PCDHA6: variants seen among roughly 807,000 people sequenced by gnomAD.
PCDHA6 encodes the protein protocadherin alpha-6.
A neutral mutation model predicts 60.3 loss-of-function variants in PCDHA6; 55 were observed. The ratio of observed to expected loss-of-function variants is 0.91; its 90% CI spans 0.73 to 1.14. PCDHA6 has a LOEUF of 1.14. Ranked by LOEUF, PCDHA6 falls within the 50% of genes most tolerant of loss-of-function variation. The pLI, the probability that PCDHA6 is intolerant of heterozygous loss-of-function variation, is 0.00. For missense variants in PCDHA6, 1,327 were observed against 1,256.5 expected, an observed-to-expected ratio of 1.06 and a Z score of -0.85; for synonymous variants, 652 against 557.9, an observed-to-expected ratio of 1.17 and a Z score of -2.38.
At chr5:140,959,591 A>C (rs2095498403) in intron 1 of PCDHA6, among the ~76,000 whole-genome samples, 1 of 152,220 alleles carries the variant, frequency 6.6e-6, no homozygotes, top group African/African-American at 2.4e-5. Context: ...CTATCAGCCA[A>C]GTATAACATG....
intron 1 of PCDHA6, among the ~76,000 whole-genome samples, chr5:140,838,280 A>ATTT (rs2150286950): frequency 0.014 from 2,008 of 139,562 alleles, 92 homozygotes; most frequent in African/African-American, 0.051. Context: ...AGCCATGCTA[A>ATTT]TTTTTTTTTT....
rs782631991 is a variant in PCDHA6, at chr5:140,966,741, G to C, written c.2395-12208G>C. The C allele has an allele frequency of 7.5e-4, 1,063 of 1,421,208 alleles. 1 individual carries two copies. The highest frequency in any genetic ancestry group is 9.1e-4 in the Non-Finnish European group (995 of 1,093,108). The allele number at this position is 1,421,208 out of a possible 1,614,324, so 88.0% of individuals were successfully genotyped here. Reference sequence around the variant, plus strand: ...GAAGCTGCCGCCTCCGGCCCTGCCCGGCTGCCTCCGCCGCGGCCAGTGGCT... The same window carrying C: ...GAAGCTGCCGCCTCCGGCCCTGCCCCGCTGCCTCCGCCGCGGCCAGTGGCT... On this transcript the variant is annotated intron_variant, in intron 1 of 3. Transcript: ENST00000529310.
In PCDHA6 at chr5:140,957,392, T is replaced by A. The variant is rs1035836709; in HGVS notation, c.2395-21557T>A. Among the ~76,000 whole-genome samples the A allele has an allele frequency of 2.6e-5, 4 of 152,222 alleles. No individual in the cohort carries two copies. In the East Asian group the frequency reaches 5.8e-4, roughly 22 times the overall value. ...TTATTATAGTGTATTGTTATAATTG[T>A]CCTAATTTATTATTATTGTTGTTAA... is the stretch of plus-strand genomic sequence containing the variant. On this transcript the variant is annotated intron_variant, in intron 1 of 3. Coordinates refer to ENST00000529310, the MANE Select transcript of PCDHA6 (RefSeq NM_018909.4).
In PCDHA6 at chr5:140,858,343, G is replaced by A. The variant is rs1554151440; in HGVS notation, c.2394+27858G>A. On this transcript the variant is annotated intron_variant, in intron 1 of 3. Coordinates refer to ENST00000529310, the MANE Select transcript of PCDHA6 (RefSeq NM_018909.4). ...GTTCTGGGGAGGGCCTGCCCAAGGC[G>A]GACCTCATGGCCTTCAGCCCCAGCC... 9 of 1,594,924 alleles carry A rather than the reference G, an allele frequency of 5.6e-6. 1 individual carries two copies. The highest frequency in any genetic ancestry group is 6.9e-6 in the Non-Finnish European group (8 of 1,165,636).
At chr5:140,843,109 A>T (rs2150352812) in intron 1 of PCDHA6, 2 of 1,595,800 alleles carry the variant, frequency 1.3e-6, no homozygotes. Context: ...AGGTGCGCGC[A>T]GTGGACGCCG....
chr5:140,883,068 C>T lies in PCDHA6; in HGVS notation c.2394+52583C>T, dbSNP rs782726947. The stretch of plus-strand genomic sequence containing the variant: ...ACATTAGTGATCAAGCTAAATGCCA[C>T]AGATCCTGATGATGGTACAAATGGA... On this transcript the variant is annotated intron_variant, in intron 1 of 3. Coordinates refer to ENST00000529310, the MANE Select transcript of PCDHA6 (RefSeq NM_018909.4). The T allele has an allele frequency of 1.4e-5, 23 of 1,614,130 alleles. No homozygotes were observed. The highest frequency in any genetic ancestry group is 1.9e-5 in the Non-Finnish European group (23 of 1,180,028).
chr5:140,843,829 G>T (rs1554140457), intron 1 of PCDHA6: 1 of 1,170,122 alleles, frequency 8.5e-7, no homozygotes, highest in African/African-American at 1.5e-5. Flanking sequence ...TTTAAACATT[G>T]TTTAGTTTTT....
chr5:140,841,603 G>A (rs2150319062), intron 1 of PCDHA6: 34 of 1,614,038 alleles, frequency 2.1e-5, no homozygotes, highest in East Asian at 1.1e-4. Flanking sequence ...ACCGCGAGGA[G>A]CTGTGCGGGC....
At chr5:140,850,122 C>T in intron 1 of PCDHA6, 2 of 1,595,914 alleles carry the variant, frequency 1.3e-6, no homozygotes, top group Non-Finnish European at 1.7e-6. Context: ...CGCGGGCGTG[C>T]CGCCTCTGGG....
In PCDHA6 at chr5:140,828,407, C is replaced by G; in HGVS notation, c.316C>G (p.Leu106Val). 1.2e-6 allele frequency: 2 copies of G among 1,614,262 alleles called. No individual in the cohort carries two copies. Among genetic ancestry groups the G allele is most frequent in the Non-Finnish European group, 1.7e-6 (2 of 1,180,046 alleles). The change falls in exon 1 of 4, where the codon CTG (leucine) becomes GTG (valine). Residue 106 changes from leucine (L) to valine (V), a missense_variant. Physicochemically the swap from Leu to Val is conservative, Grantham distance 32. Transcript: ENST00000529310. ...CGRSAECSIH[L>V]EVIVDRPLQV... ...GCGGAGCGCGGAGTGCAGCATCCACCTGGAGGTGATCGTGGACAGGCCGCT... is the reference window on the plus strand; with the variant it reads ...GCGGAGCGCGGAGTGCAGCATCCACGTGGAGGTGATCGTGGACAGGCCGCT...
chr5:141,000,616 C>A (rs1227863226), intron 3 of PCDHA6, among the ~76,000 whole-genome samples: 1 of 150,774 alleles, frequency 6.6e-6, no homozygotes, highest in African/African-American at 2.4e-5. Context: ...TTAGTAGAGA[C>A]AGGGTTTCAC....
At chr5:140,917,137 C>A (rs868951388) in intron 1 of PCDHA6, among the ~76,000 whole-genome samples, 4 of 152,208 alleles carry the variant, frequency 2.6e-5, no homozygotes, top group African/African-American at 4.8e-5. Context: ...CCACGTTGCT[C>A]AGCTGCTGCT....
At chr5:140,871,275 A>C in intron 1 of PCDHA6, 3 of 1,613,900 alleles carry the variant, frequency 1.9e-6, no homozygotes, top group Non-Finnish European at 2.5e-6. Flanking sequence ...GGTGGTCGGC[A>C]ACGCCCACTG....
At chr5:140,882,652 C>T (rs781900873) in intron 1 of PCDHA6, 1 of 1,614,216 alleles carries the variant, frequency 6.2e-7, no homozygotes, top group Non-Finnish European at 8.5e-7. Flanking sequence ...ACATTAACGA[C>T]AACCCGCCCA....
At position 140,859,297 on chromosome 5, in the gene PCDHA6, G is replaced by A. The variant is rs918204885; in HGVS notation, c.2394+28812G>A. 281 of 128,994 alleles carry A rather than the reference G, an allele frequency of 2.2e-3. 12 individuals are homozygous for A. The highest frequency in any genetic ancestry group is 7.5e-3 in the African/African-American group (274 of 36,598). The allele number at this position is 128,994 out of a possible 1,614,324, so 8.0% of individuals were successfully genotyped here. A position where few individuals can be genotyped will look rare whatever the true frequency, so the allele number is the denominator to read the frequency against. On this transcript the variant is annotated intron_variant, in intron 1 of 3. Coordinates refer to ENST00000529310, the MANE Select transcript of PCDHA6 (RefSeq NM_018909.4). Reference sequence around the variant, plus strand: ...TACTTTTGAGACTGAAAATACTTTAGTATGAATTAATATTAAAAGTTTGAG... The same window carrying A: ...TACTTTTGAGACTGAAAATACTTTAATATGAATTAATATTAAAAGTTTGAG...
intron 1 of PCDHA6, among the ~76,000 whole-genome samples, chr5:140,947,543 G>T (rs1013985097): frequency 6.6e-5 from 10 of 151,548 alleles, no homozygotes; most frequent in Non-Finnish European, 1.2e-4. Flanking sequence ...TTTCTACAAA[G>T]AATTCCGCTG....
At chr5:140,998,940 A>G (rs2097841050) in intron 3 of PCDHA6, among the ~76,000 whole-genome samples, 1 of 152,222 alleles carries the variant, frequency 6.6e-6, no homozygotes, top group African/African-American at 2.4e-5. Context: ...AGATGAAGAA[A>G]CTGTAAGTCA....
chr5:140,954,102 A>G (rs2094980163), intron 1 of PCDHA6, among the ~76,000 whole-genome samples: 1 of 152,186 alleles, frequency 6.6e-6, no homozygotes, highest in South Asian at 2.1e-4. Flanking sequence ...TGTCCCTGCA[A>G]AGGACAAGAT....
intron 1 of PCDHA6, among the ~76,000 whole-genome samples, chr5:140,948,960 G>A (rs900113633): frequency 5.9e-5 from 9 of 151,550 alleles, no homozygotes; most frequent in Non-Finnish European, 1.2e-4. Context: ...TTAAAGCCAC[G>A]AATTTATTAG....
Sources: allele counts gnomAD v4.1 joint callset (sites outside exome capture counted in the v4.1 genomes callset), GRCh38; gene constraint gnomAD v4.1.1; transcripts MANE v1.5; gene names NCBI Gene and HGNC (gene_info 2026-07-23, HGNC 2026-07-21).